Variants in NMT2 observed in about 807,000 individuals in gnomAD.
NMT2 encodes the protein glycylpeptide N-tetradecanoyltransferase 2.
NMT2 carries 35 observed loss-of-function variants against 65.4 expected under a neutral mutation model. That is an observed-to-expected ratio of 0.54 (90% CI 0.41 to 0.71). The LOEUF (loss-of-function observed/expected upper bound fraction) is 0.71. Among genes scored for constraint, NMT2 ranks in the 30% least tolerant of loss-of-function variants. NMT2 has a pLI of 0.00. For synonymous variants in NMT2, 226 were observed against 231.8 expected, an observed-to-expected ratio of 0.98 and a Z score of 0.23; for missense variants, 489 against 611.3, an observed-to-expected ratio of 0.80 and a Z score of 2.11.
rs142156483 is a variant in NMT2, at chr10:15,119,392, G to T, written c.1121C>A (p.Ala374Asp). The T allele has an allele frequency of 6.2e-7, 1 of 1,613,998 alleles. No individual in the cohort carries two copies. Among genetic ancestry groups the T allele is most frequent in the Non-Finnish European group, 8.5e-7 (1 of 1,180,008 alleles). ...GTGCTCCCGGGGGAGGAACCAGTGG[G>T]CTACTTCCTCTTCATCCATCACTGG... ...LAPVMDEEEV[A>D]HWFLPREHII... The change falls in exon 9 of 12, where the codon GCC becomes GAC. Residue 374 changes from alanine to aspartate, a missense_variant. Ala to Asp is a moderately radical substitution (Grantham distance 126). Coordinates refer to ENST00000378165, the MANE Select transcript of NMT2 (RefSeq NM_004808.3).
chr10:15,136,355 AAG>A (rs1491353061), intron 2 of NMT2, among the ~76,000 whole-genome samples: 1 of 144,158 alleles, frequency 6.9e-6, no homozygotes. Context: ...GAAAAGAAAA[AAG>A]GAGGGAGGGA....
intron 2 of NMT2, among the ~76,000 whole-genome samples, chr10:15,135,926 G>C (rs181957772): frequency 6.6e-6 from 1 of 151,690 alleles, no homozygotes; most frequent in Non-Finnish European, 1.5e-5. Flanking sequence ...GAGAAAGAGA[G>C]AGAGAAAGAA....
At position 15,107,825 on chromosome 10, in the gene NMT2, G is replaced by A. The variant is rs971228426; in HGVS notation, c.*1370C>T. 1.0e-5 allele frequency: 10 copies of A among 985,576 alleles called. No homozygotes were observed. Among genetic ancestry groups the A allele is most frequent in the South Asian group, 9.4e-5 (2 of 21,280 alleles). The allele number at this position is 985,576 out of a possible 1,614,324, so 61.1% of individuals were successfully genotyped here. On this transcript the variant is annotated 3_prime_UTR_variant, in exon 12 of 12. Coordinates refer to ENST00000378165, the MANE Select transcript of NMT2 (RefSeq NM_004808.3). The stretch of plus-strand genomic sequence containing the variant: ...CCTCGGTTAGCATCTTATTTTTCCC[G>A]CAGATTATTGGCAATATAAACACAC...
chr10:15,147,850 C>T (rs554901246), intron 1 of NMT2, among the ~76,000 whole-genome samples: 1 of 152,162 alleles, frequency 6.6e-6, no homozygotes, highest in Admixed American at 6.5e-5. Flanking sequence ...ATTACTCAAA[C>T]GAGGACTCAA....
intron 10 of NMT2, among the ~76,000 whole-genome samples, chr10:15,112,202 ATATATATATATATATTTTTTTT>A (rs1845562873): frequency 6.1e-5 from 1 of 16,492 alleles, no homozygotes; most frequent in Admixed American, 9.2e-4. Flanking sequence ...ATATATATAT[ATATATATATATATATTTTTTTT>A]TTTTTTTTTT....
intron 1 of NMT2, among the ~76,000 whole-genome samples, chr10:15,167,220 GC>G (rs1250521840): frequency 7.2e-5 from 11 of 151,888 alleles, no homozygotes; most frequent in Non-Finnish European, 1.5e-4. Flanking sequence ...TTCGATACTT[GC>G]AGCCGCCACT....
chr10:15,127,649 T>C (rs2131529904), intron 8 of NMT2, among the ~76,000 whole-genome samples: 1 of 150,550 alleles, frequency 6.6e-6, no homozygotes, highest in South Asian at 2.1e-4. Context: ...ATGCCTGTAA[T>C]CCCAGCACCT....
chr10:15,158,687 G>A (rs1282881006), intron 1 of NMT2, among the ~76,000 whole-genome samples: 3 of 152,174 alleles, frequency 2.0e-5, no homozygotes, highest in Non-Finnish European at 4.4e-5. Context: ...ATGTTTTGAG[G>A]TGTGTCTTAG....
intron 1 of NMT2, chr10:15,168,244 G>A (rs557590075): frequency 8.4e-6 from 3 of 356,620 alleles, no homozygotes; most frequent in African/African-American, 6.5e-5. Flanking sequence ...CTGGCCGGGG[G>A]CGCGCGGCAA....
chr10:15,109,162 T>C lies in NMT2; in HGVS notation c.*33A>G, dbSNP rs1303413526. 1 of 1,600,480 alleles carries C rather than the reference T, an allele frequency of 6.2e-7. No individual in the cohort carries two copies. The highest frequency in any genetic ancestry group is 1.8e-5 in the Admixed American group (1 of 55,880). ...GAAATCATTAAATATTAACAAATGA[T>C]GATGTCAGAGTTCTAGAAATAAAAA... On this transcript the variant is annotated 3_prime_UTR_variant, in exon 12 of 12. Coordinates refer to ENST00000378165, the MANE Select transcript of NMT2 (RefSeq NM_004808.3).
intron 8 of NMT2, among the ~76,000 whole-genome samples, chr10:15,120,325 A>T (rs1253050698): frequency 6.6e-6 from 1 of 152,078 alleles, no homozygotes; most frequent in Non-Finnish European, 1.5e-5. Context: ...AGGCGTGGTG[A>T]CATGCACCTG....
chr10:15,157,028 A>G (rs1833026455), intron 1 of NMT2, among the ~76,000 whole-genome samples: 1 of 152,206 alleles, frequency 6.6e-6, no homozygotes, highest in African/African-American at 2.4e-5. Context: ...AAAGTAGTGA[A>G]GAACAACTAT....
chr10:15,109,265 A>C, intron 11 of NMT2, 50 bp from the exon 12 acceptor site: 1 of 1,593,730 alleles, frequency 6.3e-7, no homozygotes, highest in East Asian at 2.3e-5. Context: ...ATTGCAATGT[A>C]GTACAATAGA....
intron 9 of NMT2, among the ~76,000 whole-genome samples, chr10:15,114,442 AAAAACAAAAC>A (rs921435232): frequency 6.6e-5 from 10 of 152,192 alleles, no homozygotes; most frequent in Admixed American, 2.6e-4. Flanking sequence ...AAGACTGATA[AAAAACAAAAC>A]AAAACAAAAC....
intron 1 of NMT2, chr10:15,154,671 G>C (rs2131613002): frequency 4.6e-6 from 2 of 432,024 alleles, no homozygotes; most frequent in Non-Finnish European, 8.8e-6. Flanking sequence ...GGAAAACATG[G>C]AACCCAAAGG....
chr10:15,108,149 C>G lies in NMT2; in HGVS notation c.*1046G>C. 1 of 984,208 alleles carries G rather than the reference C, an allele frequency of 1.0e-6. No homozygotes were observed. The highest frequency in any genetic ancestry group is 1.2e-6 in the Non-Finnish European group (1 of 829,750). 61.0% of individuals were successfully genotyped at this position (984,208 alleles called of 1,614,324 possible). A position where few individuals can be genotyped will look rare whatever the true frequency, so the allele number is the denominator to read the frequency against. On this transcript the variant is annotated 3_prime_UTR_variant, in exon 12 of 12. Transcript: ENST00000378165. ...TGAGAAGAAACTGAACTTTGCACAA[C>G]AGCAGAAAAGTCTAGTTAGTCGCGG...
chr10:15,135,234 T>A (rs1846438049), intron 3 of NMT2, 40 bp downstream of exon 3: 2 of 1,604,904 alleles, frequency 1.2e-6, no homozygotes, highest in Admixed American at 3.3e-5. Context: ...TCATCCAGCT[T>A]TGTTTGTGGG....
intron 8 of NMT2, among the ~76,000 whole-genome samples, chr10:15,125,161 A>G (rs1266239877): frequency 6.6e-6 from 1 of 152,236 alleles, no homozygotes; most frequent in African/African-American, 2.4e-5. Context: ...AAATGGGGAT[A>G]AGAAGTACTA....
In NMT2 at chr10:15,107,710, C is replaced by T. The variant is rs188247149; in HGVS notation, c.*1485G>A. On this transcript the variant is annotated 3_prime_UTR_variant, in exon 12 of 12. Coordinates refer to ENST00000378165, the MANE Select transcript of NMT2 (RefSeq NM_004808.3). ...CCTCAAATGTTTCGCCCGCCTTGGCCTCCCAAAGTGCTGGGATTACAGGCG... is the reference window on the plus strand; with the variant it reads ...CCTCAAATGTTTCGCCCGCCTTGGCTTCCCAAAGTGCTGGGATTACAGGCG... The T allele has an allele frequency of 9.8e-4, 917 of 937,886 alleles. 9 individuals are homozygous for T. In the African/African-American group the frequency reaches 0.015, roughly 16 times the overall value. 58.1% of individuals were successfully genotyped at this position (937,886 alleles called of 1,614,324 possible).
Sources: allele counts gnomAD v4.1 joint callset (sites outside exome capture counted in the v4.1 genomes callset), GRCh38; gene constraint gnomAD v4.1.1; transcripts MANE v1.5; gene names NCBI Gene and HGNC (gene_info 2026-07-23, HGNC 2026-07-21).